The following ZDHHC1 variants were observed in gnomAD, a reference collection of about 807,000 sequenced individuals.
ZDHHC1 encodes palmitoyltransferase ZDHHC1.
In ZDHHC1, 45 loss-of-function variants were observed where a neutral mutation model predicts 46.9. That is an observed-to-expected ratio of 0.96 (90% CI 0.76 to 1.23). ZDHHC1 has a LOEUF of 1.23. Among genes scored for constraint, ZDHHC1 ranks in the 50% most tolerant of loss-of-function variants. The pLI is 0.00. For synonymous variants in ZDHHC1, 291 were observed against 286.0 expected, an observed-to-expected ratio of 1.02 and a Z score of -0.18; for missense variants, 649 against 670.8, an observed-to-expected ratio of 0.97 and a Z score of 0.36.
chr16:67,398,071 C>G, intron 8 of ZDHHC1, 141 bp downstream of exon 8: 1 of 805,102 alleles, frequency 1.2e-6, no homozygotes, highest in Non-Finnish European at 2.0e-6. Context: ...AGCAGGCACA[C>G]GCTCAGCACA....
chr16:67,403,608 GTTTT>G (rs1380701613), intron 3 of ZDHHC1, among the ~76,000 whole-genome samples: 1 of 151,142 alleles, frequency 6.6e-6, no homozygotes, highest in Non-Finnish European at 1.5e-5. Context: ...CATTTCTTTT[GTTTT>G]TTGTTTTTTT....
chr16:67,415,238 C>T (rs938882834), intron 1 of ZDHHC1, among the ~76,000 whole-genome samples: 4 of 150,160 alleles, frequency 2.7e-5, no homozygotes, highest in Admixed American at 2.6e-4. Context: ...CAAGAGGATC[C>T]CTTGAGACCA....
chr16:67,400,515 G>A (rs901271451), intron 4 of ZDHHC1, among the ~76,000 whole-genome samples: 34 of 152,208 alleles, frequency 2.2e-4, no homozygotes, highest in African/African-American at 8.0e-4. Flanking sequence ...ATCTGGCTCC[G>A]CTATCAGTGG....
chr16:67,394,661 C>T lies in ZDHHC1; in HGVS notation c.1398G>A (p.Pro466=). 8.0e-7 allele frequency: 1 copy of T among 1,243,808 alleles called. No individual in the cohort carries two copies. The highest frequency in any genetic ancestry group is 4.1e-5 in the Admixed American group (1 of 24,326). The allele number at this position is 1,243,808 out of a possible 1,614,324, so 77.0% of individuals were successfully genotyped here. A position where few individuals can be genotyped will look rare whatever the true frequency, so the allele number is the denominator to read the frequency against. ...CCGGCGCCCTGGGCTCGCCGCTGCT[C>T]GGGCTCACGAAAACGGCGGGCGCAC... The part of the protein sequence containing the change: ...QARAPAVFVS[P]SSGEPRAPGG... The change falls in exon 12 of 12, where the codon CCG becomes CCA. Residue 466 remains proline (P), a synonymous_variant. Coordinates refer to ENST00000565726, the MANE Select transcript of ZDHHC1 (RefSeq NM_001323627.2).
intron 1 of ZDHHC1, among the ~76,000 whole-genome samples, chr16:67,413,742 C>T (rs2142266541): frequency 6.8e-6 from 1 of 147,834 alleles, no homozygotes; most frequent in South Asian, 2.1e-4. Flanking sequence ...GAATTCGAGA[C>T]CAGCCTGGCC....
rs140795095 is a variant in ZDHHC1, at chr16:67,401,382, G to A, written c.253-250C>T. Reference sequence around the variant, plus strand: ...CAGCCAGCCAGCAGTGCCTGCTGTCGCCACCTAGGTGCCCAATCGCAGGGT... The same window carrying A: ...CAGCCAGCCAGCAGTGCCTGCTGTCACCACCTAGGTGCCCAATCGCAGGGT... On this transcript the variant is annotated intron_variant, in intron 3 of 11. Coordinates refer to ENST00000565726, the MANE Select transcript of ZDHHC1 (RefSeq NM_001323627.2). This position sits in a 1 kb window ranked among gnomAD's most constrained non-coding sequence, Gnocchi z 4.6. 2.0e-5 allele frequency among the ~76,000 whole-genome samples: 3 copies of A among 152,330 alleles called. No individual in the cohort carries two copies. The highest frequency in any genetic ancestry group is 1.9e-4 in the East Asian group (1 of 5,176).
At position 67,406,497 on chromosome 16, in the gene ZDHHC1, C is replaced by CTGGG. The variant is rs2040662877; in HGVS notation, c.10-56_10-55insCCCA. On this transcript the variant is annotated intron_variant, in intron 2 of 11. Transcript: ENST00000565726. The surrounding 1 kb of genome is among the most constrained non-coding windows in gnomAD (Gnocchi z 4.1). ...TTAGCCCAAGAAGCTGGGCTGGAGC[C>CTGGG]CAGGGCCTGTGTCTGCAGCCAAGTT... 6.9e-7 allele frequency: 1 copy of CTGGG among 1,451,292 alleles called. No individual in the cohort carries two copies. Among genetic ancestry groups the CTGGG allele is most frequent in the African/African-American group, 1.4e-5 (1 of 69,866 alleles). 89.9% of individuals were successfully genotyped at this position (1,451,292 alleles called of 1,614,324 possible).
At chr16:67,402,941 T>C (rs555255625) in intron 3 of ZDHHC1, among the ~76,000 whole-genome samples, 36 of 152,218 alleles carry the variant, frequency 2.4e-4, no homozygotes, top group Non-Finnish European at 4.4e-4. Flanking sequence ...AACATGGATA[T>C]CAATCAAATA....
At chr16:67,396,848 G>T (rs2040444185) in intron 8 of ZDHHC1, among the ~76,000 whole-genome samples, 1 of 152,246 alleles carries the variant, frequency 6.6e-6, no homozygotes, top group Admixed American at 6.5e-5. Context: ...TCCAGAGGGG[G>T]GAGCAGAGGA....
rs2040664828 is a variant in ZDHHC1, at chr16:67,406,563, G to A, written c.10-121C>T. On this transcript the variant is annotated intron_variant, in intron 2 of 11. Coordinates refer to ENST00000565726, the MANE Select transcript of ZDHHC1 (RefSeq NM_001323627.2). The surrounding 1 kb of genome is among the most constrained non-coding windows in gnomAD (Gnocchi z 4.1). ...TAGGCTGCGACAGCTACTCTGCTGG[G>A]GAAACTGGGGTCCTAGCACAATAGA... The A allele has an allele frequency of 2.4e-6, 3 of 1,266,444 alleles. No homozygotes were observed. The highest frequency in any genetic ancestry group is 3.2e-6 in the Non-Finnish European group (3 of 949,226). The allele number at this position is 1,266,444 out of a possible 1,614,324, so 78.5% of individuals were successfully genotyped here. A position where few individuals can be genotyped will look rare whatever the true frequency, so the allele number is the denominator to read the frequency against.
chr16:67,401,205 A>C lies in ZDHHC1; in HGVS notation c.253-73T>G, dbSNP rs1597539053. On this transcript the variant is annotated intron_variant, in intron 3 of 11. Coordinates refer to ENST00000565726, the MANE Select transcript of ZDHHC1 (RefSeq NM_001323627.2). This position sits in a 1 kb window ranked among gnomAD's most constrained non-coding sequence, Gnocchi z 4.6. The stretch of plus-strand genomic sequence containing the variant: ...CTGCCCCGTTCCTTGCAGCCAGAGA[A>C]CTCCCCACTGCCATGCCAGCCCGCT... 1 of 1,563,048 alleles carries C rather than the reference A, an allele frequency of 6.4e-7. No homozygotes were observed. The highest frequency in any genetic ancestry group is 8.7e-7 in the Non-Finnish European group (1 of 1,155,380).
At chr16:67,395,885 C>G (rs1015050111) in intron 8 of ZDHHC1, 1 of 343,690 alleles carries the variant, frequency 2.9e-6, no homozygotes, top group Admixed American at 4.4e-5. Flanking sequence ...CAGAGCTGCC[C>G]GCACCTGCTC....
In ZDHHC1 at chr16:67,394,736, C is replaced by T; in HGVS notation, c.1323G>A (p.Leu441=). ...VAQTRLGSAA[L]AAPRGRGRQP... The stretch of plus-strand genomic sequence containing the variant: ...GTCGGCCCCGGCCCCGCGGGGCGGC[C>T]AGAGCGGCGCTGCCCAGGCGCGTCT... Residue 441 remains leucine (L), a synonymous_variant, in exon 12 of 12, where the codon CTG becomes CTA. Coordinates refer to ENST00000565726, the MANE Select transcript of ZDHHC1 (RefSeq NM_001323627.2). 2 of 1,414,946 alleles carry T rather than the reference C, an allele frequency of 1.4e-6. No homozygotes were observed. The highest frequency in any genetic ancestry group is 1.8e-6 in the Non-Finnish European group (2 of 1,089,526). The allele number at this position is 1,414,946 out of a possible 1,614,324, so 87.6% of individuals were successfully genotyped here. A position where few individuals can be genotyped will look rare whatever the true frequency, so the allele number is the denominator to read the frequency against.
In ZDHHC1 at chr16:67,416,423, C is replaced by CA; in HGVS notation, c.-292dup. 9.5e-6 allele frequency: 2 copies of CA among 210,958 alleles called. No individual in the cohort carries two copies. Among genetic ancestry groups the CA allele is most frequent in the South Asian group, 1.0e-4 (2 of 19,620 alleles). The allele number at this position is 210,958 out of a possible 1,614,324, so 13.1% of individuals were successfully genotyped here. ...GCTCCGGCTCCGGCTCCGGCTCCAG[C>CA]AGGCTGGAGGGGCGGCCAGGCCAGA... On this transcript the variant is annotated 5_prime_UTR_variant, in exon 1 of 12. Coordinates refer to ENST00000565726, the MANE Select transcript of ZDHHC1 (RefSeq NM_001323627.2).
At chr16:67,413,075 C>A (rs1471702140) in intron 1 of ZDHHC1, among the ~76,000 whole-genome samples, 1 of 151,112 alleles carries the variant, frequency 6.6e-6, no homozygotes, top group Non-Finnish European at 1.5e-5. Context: ...CCACTGCACC[C>A]AGCCTATTTT....
chr16:67,415,914 G>C (rs2040827144), intron 1 of ZDHHC1, among the ~76,000 whole-genome samples: 1 of 152,166 alleles, frequency 6.6e-6, no homozygotes, highest in South Asian at 2.1e-4. Context: ...TAATGCTCTG[G>C]GTTCTGGAGA....
chr16:67,397,202 G>C (rs535838416), intron 8 of ZDHHC1, among the ~76,000 whole-genome samples: 1 of 152,292 alleles, frequency 6.6e-6, no homozygotes, highest in South Asian at 2.1e-4. Flanking sequence ...CCTTGGCAGC[G>C]CAGGGCCAAA....
chr16:67,415,948 T>C (rs886846077), intron 1 of ZDHHC1, among the ~76,000 whole-genome samples: 4 of 152,178 alleles, frequency 2.6e-5, no homozygotes, highest in Non-Finnish European at 5.9e-5. Context: ...TTGGGAGTCC[T>C]CTGTGCCCAC....
At chr16:67,395,426 G>T (rs564837985) in intron 9 of ZDHHC1, 58 bp downstream of exon 9, 6 of 1,546,676 alleles carry the variant, frequency 3.9e-6, no homozygotes, top group Non-Finnish European at 5.2e-6. Flanking sequence ...CTCCTGCCTC[G>T]ATGGCCCTGC....
Sources: allele counts gnomAD v4.1 joint callset (sites outside exome capture counted in the v4.1 genomes callset), GRCh38; gene constraint gnomAD v4.1.1; non-coding constraint Gnocchi (gnomAD v3.1); transcripts MANE v1.5; gene names NCBI Gene and HGNC (gene_info 2026-07-23, HGNC 2026-07-21).